Variants in DPP10 observed in about 807,000 individuals in gnomAD.
The protein encoded by DPP10 is inactive dipeptidyl peptidase 10.
Under a neutral mutation model 120.9 loss-of-function variants are expected in DPP10, and 33 were observed. The ratio of observed to expected loss-of-function variants is 0.27; its 90% confidence interval spans 0.21 to 0.37. DPP10 has a LOEUF of 0.37. Among genes scored for constraint, DPP10 ranks in the 10% least tolerant of loss-of-function variants. The pLI, the probability that DPP10 is intolerant of heterozygous loss-of-function variation, is 1.00. For missense variants in DPP10, 816 were observed against 942.8 expected (o/e 0.87, Z 1.76); for synonymous variants, 337 against 326.1 (o/e 1.03, Z -0.36).
intron 1 of DPP10, among the ~76,000 whole-genome samples, chr2:114,650,331 G>A (rs775928654): frequency 9.9e-5 from 15 of 152,126 alleles, no homozygotes; most frequent in Non-Finnish European, 1.8e-4. Flanking sequence ...TTTGATGCCT[G>A]AAGCATCCAA....
chr2:115,579,119 C>T (rs905154216), intron 5 of DPP10: 2 of 152,098 alleles, frequency 1.3e-5, no homozygotes, highest in African/African-American at 4.8e-5. Context: ...TACAGGAGAG[C>T]AATGGAGACA....
At chr2:114,619,761 T>C (rs1363851719) in intron 1 of DPP10, among the ~76,000 whole-genome samples, 1 of 152,024 alleles carries the variant, frequency 6.6e-6, no homozygotes. Flanking sequence ...GAATACATTT[T>C]CTTCAGTTTC....
chr2:115,550,144 G>A (rs2079787504), intron 5 of DPP10, among the ~76,000 whole-genome samples: 1 of 152,128 alleles, frequency 6.6e-6, no homozygotes, highest in Non-Finnish European at 1.5e-5. Flanking sequence ...TGCTAGTCAG[G>A]CAAGAGTGAA....
intron 1 of DPP10, among the ~76,000 whole-genome samples, chr2:115,228,217 G>A (rs1004712233): frequency 7.2e-5 from 11 of 152,008 alleles, no homozygotes; most frequent in African/African-American, 2.7e-4. Flanking sequence ...AAAGTACTGG[G>A]ACTACAGGTG....
intron 1 of DPP10, among the ~76,000 whole-genome samples, chr2:114,901,492 G>A (rs765898265): frequency 9.2e-5 from 14 of 152,132 alleles, no homozygotes; most frequent in Non-Finnish European, 2.1e-4. Context: ...CACCGCGCCC[G>A]GCCACAAATG....
At chr2:115,185,455 A>G (rs1270461314) in intron 1 of DPP10, among the ~76,000 whole-genome samples, 1 of 152,188 alleles carries the variant, frequency 6.6e-6, no homozygotes, top group Non-Finnish European at 1.5e-5. Context: ...GTATTACAGA[A>G]GAGTCAGAAC....
intron 5 of DPP10, among the ~76,000 whole-genome samples, chr2:115,664,301 G>A (rs1012291206): frequency 6.6e-6 from 1 of 151,886 alleles, no homozygotes; most frequent in Non-Finnish European, 1.5e-5. Context: ...AATTACCAAT[G>A]TTATAAAATA....
intron 1 of DPP10, among the ~76,000 whole-genome samples, chr2:115,026,105 A>G (rs1325443988): frequency 2.0e-5 from 3 of 152,120 alleles, no homozygotes; most frequent in African/African-American, 7.2e-5. Context: ...CCAGAAAAAT[A>G]TACTAGAACA....
chr2:115,539,127 C>A (rs1367227371), intron 5 of DPP10, among the ~76,000 whole-genome samples: 2 of 151,750 alleles, frequency 1.3e-5, no homozygotes, highest in Admixed American at 6.6e-5. Context: ...TTGGAAAACA[C>A]CTGGGATACT....
intron 1 of DPP10, among the ~76,000 whole-genome samples, chr2:114,972,365 TGCACTCTA>T (rs1323923961): frequency 6.6e-6 from 1 of 152,216 alleles, no homozygotes; most frequent in African/African-American, 2.4e-5. Flanking sequence ...GGTTTATAAT[TGCACTCTA>T]GCACACAATT....
intron 1 of DPP10, among the ~76,000 whole-genome samples, chr2:115,076,128 T>C (rs1013228327): frequency 2.0e-5 from 3 of 152,118 alleles, no homozygotes; most frequent in African/African-American, 7.2e-5. Flanking sequence ...TTTCTGTTGT[T>C]GTTGAAGTTT....
intron 1 of DPP10, among the ~76,000 whole-genome samples, chr2:115,289,231 TAAGGAG>T: frequency 6.6e-6 from 1 of 152,012 alleles, no homozygotes; most frequent in East Asian, 1.9e-4. Flanking sequence ...TATGCTTAAC[TAAGGAG>T]GTGAATGATC....
chr2:114,942,402 C>CATATATATATATATATAT (rs61579596), intron 1 of DPP10, among the ~76,000 whole-genome samples: 6 of 127,810 alleles, frequency 4.7e-5, no homozygotes, highest in Non-Finnish European at 9.4e-5. Context: ...CACACACACA[C>CATATATATATATATATAT]ATATATATAT....
At chr2:115,626,519 A>G (rs1040870764) in intron 5 of DPP10, among the ~76,000 whole-genome samples, 1 of 152,140 alleles carries the variant, frequency 6.6e-6, no homozygotes, top group Non-Finnish European at 1.5e-5. Flanking sequence ...CTAAAGTCCA[A>G]TACAACTGCA....
chr2:114,585,211 T>G (rs2105114196), intron 1 of DPP10, among the ~76,000 whole-genome samples: 1 of 152,284 alleles, frequency 6.6e-6, no homozygotes, highest in Middle Eastern at 3.4e-3. Context: ...CCAAGCTCTT[T>G]CAGATTGTTG....
At chr2:114,455,156 T>TTGTGTGTGTGTGTGTGTGTG (rs141717813) in intron 1 of DPP10, among the ~76,000 whole-genome samples, 13 of 147,492 alleles carry the variant, frequency 8.8e-5, no homozygotes, top group African/African-American at 3.0e-4. Flanking sequence ...TTTCTTTCTA[T>TTGTGTGTGTGTGTGTGTGTG]TGTGTGTGTG....
At chr2:114,557,408 C>T (rs190817926) in intron 1 of DPP10, among the ~76,000 whole-genome samples, 28 of 152,222 alleles carry the variant, frequency 1.8e-4, no homozygotes, top group Admixed American at 1.2e-3. Context: ...AGTTGTGACT[C>T]GGGACATAGA....
rs144243278 is a variant in DPP10, at chr2:115,823,992, G to C, written c.1950+8263G>C. On this transcript the variant is annotated intron_variant, in intron 21 of 25. Transcript: ENST00000410059. ...TCACTAATATTTGAATGAATTTCCAGGTTCTGCTTTTTCTCCTTTTGGTCT... is the reference window on the plus strand; with the variant it reads ...TCACTAATATTTGAATGAATTTCCACGTTCTGCTTTTTCTCCTTTTGGTCT... 2.6e-3 allele frequency among the ~76,000 whole-genome samples: 400 copies of C among 152,160 alleles called. 2 individuals carry two copies. Among genetic ancestry groups the C allele is most frequent in the African/African-American group, 9.4e-3 (389 of 41,512 alleles).
chr2:114,611,314 G>C (rs1219100717), intron 1 of DPP10, among the ~76,000 whole-genome samples: 1 of 152,168 alleles, frequency 6.6e-6, no homozygotes, highest in African/African-American at 2.4e-5. Flanking sequence ...AATTGGTTGA[G>C]AATATTGTCT....
Sources: allele counts gnomAD v4.1 joint callset (sites outside exome capture counted in the v4.1 genomes callset), GRCh38; gene constraint gnomAD v4.1.1; transcripts MANE v1.5; gene names NCBI Gene and HGNC (gene_info 2026-07-23, HGNC 2026-07-21).